FBXO11: variants seen among roughly 807,000 people sequenced by gnomAD.
FBXO11 encodes the protein F-box only protein 11.
FBXO11 carries 13 observed loss-of-function variants against 117.0 expected under a neutral mutation model. The ratio of observed to expected loss-of-function variants is 0.11; its 90% CI spans 0.07 to 0.18. The LOEUF (loss-of-function observed/expected upper bound fraction) is 0.18. FBXO11 is among the 10% of genes least tolerant of loss of function. The probability of loss-of-function intolerance (pLI) is 1.00; values close to 1 mark genes in which losing one functional copy is unlikely to be tolerated. For synonymous variants in FBXO11, 490 were observed against 380.5 expected (o/e 1.29, Z -3.35); for missense variants, 767 against 1,164.4 (o/e 0.66, Z 4.97).
intron 1 of FBXO11, among the ~76,000 whole-genome samples, chr2:47,851,615 CAAAT>C (rs1225031951): frequency 6.6e-6 from 1 of 152,032 alleles, no homozygotes; most frequent in African/African-American, 2.4e-5. Flanking sequence ...GATATGTAAA[CAAAT>C]AAAGCAATAT....
chr2:47,900,347 A>C (rs1338939281), intron 1 of FBXO11, among the ~76,000 whole-genome samples: 1 of 152,016 alleles, frequency 6.6e-6, no homozygotes, highest in Non-Finnish European at 1.5e-5. Context: ...TTACTTCCTA[A>C]AACAGGAAAA....
intron 1 of FBXO11, among the ~76,000 whole-genome samples, chr2:47,895,537 T>C (rs1056920531): frequency 6.6e-6 from 1 of 152,202 alleles, no homozygotes; most frequent in Non-Finnish European, 1.5e-5. Context: ...GGGATACTAG[T>C]AGTGCTTTAT....
chr2:47,815,220 G>A (rs1319968464), intron 16 of FBXO11, among the ~76,000 whole-genome samples: 2 of 152,132 alleles, frequency 1.3e-5, no homozygotes, highest in African/African-American at 2.4e-5. Flanking sequence ...ACGCAGAAAT[G>A]TGATTGGACA....
chr2:47,836,416 T>A (rs1198903589), intron 4 of FBXO11, among the ~76,000 whole-genome samples: 1 of 152,218 alleles, frequency 6.6e-6, no homozygotes, highest in Non-Finnish European at 1.5e-5. Flanking sequence ...TCACCCAGGC[T>A]GGAGTGCAGT....
In FBXO11 at chr2:47,863,203, C is replaced by G. The variant is rs540243258; in HGVS notation, c.233-23434G>C. ...CCAAAACATTGTTGTTAGGTTAGCT[C>G]AACATATAGTAGTCTCAAGTTAAAA... On this transcript the variant is annotated intron_variant, in intron 1 of 22. Coordinates refer to ENST00000403359, the MANE Select transcript of FBXO11 (RefSeq NM_001190274.2). Among the ~76,000 whole-genome samples, 3 of 152,138 alleles carry G rather than the reference C, an allele frequency of 2.0e-5. No individual in the cohort carries two copies. In the South Asian group the frequency reaches 6.2e-4, roughly 32 times the overall value.
intron 1 of FBXO11, among the ~76,000 whole-genome samples, chr2:47,863,079 A>G (rs1189165657): frequency 6.6e-6 from 1 of 151,498 alleles, no homozygotes; most frequent in African/African-American, 2.4e-5. Flanking sequence ...AAACAAAAAA[A>G]CAAAAACAAA....
intron 16 of FBXO11, among the ~76,000 whole-genome samples, chr2:47,817,678 T>C (rs899217387): frequency 2.0e-5 from 3 of 152,208 alleles, no homozygotes; most frequent in Admixed American, 6.5e-5. Context: ...GGATTACTAA[T>C]TGGCCTAATT....
chr2:47,853,957 G>A (rs1187207873), intron 1 of FBXO11, among the ~76,000 whole-genome samples: 1 of 152,220 alleles, frequency 6.6e-6, no homozygotes, highest in African/African-American at 2.4e-5. Context: ...AAGCTTAGAA[G>A]ATAATGTTAA....
At chr2:47,834,057 G>C (rs116573330) in intron 7 of FBXO11, among the ~76,000 whole-genome samples, 16 of 152,212 alleles carry the variant, frequency 1.1e-4, no homozygotes, top group African/African-American at 3.4e-4. Flanking sequence ...CTAACATTAG[G>C]AAACATATAC....
chr2:47,888,706 C>G (rs1329774360), intron 1 of FBXO11: 1 of 976,200 alleles, frequency 1.0e-6, no homozygotes, highest in Non-Finnish European at 1.2e-6. Context: ...TTTTACAAAT[C>G]TTATTGCTAT....
intron 1 of FBXO11, among the ~76,000 whole-genome samples, chr2:47,890,816 A>G (rs1294608858): frequency 6.6e-6 from 1 of 151,908 alleles, no homozygotes; most frequent in Non-Finnish European, 1.5e-5. Flanking sequence ...AAAAAGAAAA[A>G]AAAAAATATT....
chr2:47,888,598 T>C, intron 1 of FBXO11: 1 of 816,354 alleles, frequency 1.2e-6, no homozygotes, highest in Non-Finnish European at 1.5e-6. Context: ...TAAAAATTAC[T>C]TTCAACCACT....
chr2:47,897,175 G>C (rs147917334), intron 1 of FBXO11, among the ~76,000 whole-genome samples: 8 of 152,198 alleles, frequency 5.3e-5, no homozygotes, highest in Non-Finnish European at 1.0e-4. Context: ...CTAAGTGTTA[G>C]AATCTCATAA....
At chr2:47,822,952 A>C (rs1445092294) in intron 12 of FBXO11, among the ~76,000 whole-genome samples, 191 bp downstream of exon 12, 1 of 152,220 alleles carries the variant, frequency 6.6e-6, no homozygotes, top group African/African-American at 2.4e-5. Context: ...TAAAAAGAAA[A>C]ATAAAAACAC....
At chr2:47,840,410 G>C (rs1303598645) in intron 1 of FBXO11, among the ~76,000 whole-genome samples, 1 of 151,400 alleles carries the variant, frequency 6.6e-6, no homozygotes, top group Non-Finnish European at 1.5e-5. Flanking sequence ...ATACCAGGTA[G>C]GTTAAAAAGG....
At chr2:47,883,562 T>A in intron 1 of FBXO11, 1 of 349,362 alleles carries the variant, frequency 2.9e-6, no homozygotes, top group South Asian at 2.6e-5. Context: ...AGGAAGAAAT[T>A]CGTCTGGATC....
At chr2:47,886,821 A>G (rs1676888548) in intron 1 of FBXO11, among the ~76,000 whole-genome samples, 1 of 152,210 alleles carries the variant, frequency 6.6e-6, no homozygotes. Flanking sequence ...ATACACATGC[A>G]TTTAAAAAAT....
intron 13 of FBXO11, among the ~76,000 whole-genome samples, chr2:47,821,427 G>T (rs921102230): frequency 1.8e-4 from 27 of 152,188 alleles, no homozygotes; most frequent in African/African-American, 5.8e-4. Context: ...TGGCTAACAT[G>T]GTGAAACCCC....
At chr2:47,818,428 G>A in intron 16 of FBXO11, 2 of 189,676 alleles carry the variant, frequency 1.1e-5, no homozygotes, top group East Asian at 1.3e-4. Flanking sequence ...TAAAACAGAA[G>A]CTTCATTTTA....
Sources: gnomAD v4.1 joint callset for allele counts (sites outside exome capture counted in the v4.1 genomes callset) on GRCh38, gnomAD v4.1.1 for gene constraint, MANE v1.5 for transcripts, NCBI Gene and HGNC (gene_info 2026-07-23, HGNC 2026-07-21) for gene names.